CCDC50: variants seen among roughly 807,000 people sequenced by gnomAD.
CCDC50 encodes the protein coiled-coil domain-containing protein 50.
CCDC50 carries 54 observed loss-of-function variants against 70.2 expected under a neutral mutation model. The observed-to-expected ratio is 0.77, with a 90% CI of 0.62 to 0.96. The LOEUF (loss-of-function observed/expected upper bound fraction) is 0.96. CCDC50 is among the 50% of genes least tolerant of loss of function. CCDC50 has a pLI of 0.00. For missense variants in CCDC50, 558 were observed against 578.7 expected, an observed-to-expected ratio of 0.96 and a Z score of 0.37; for synonymous variants, 216 against 198.8, an observed-to-expected ratio of 1.09 and a Z score of -0.73.
chr3:191,387,376 T>A (rs1377937812), intron 10 of CCDC50, among the ~76,000 whole-genome samples: 1 of 152,160 alleles, frequency 6.6e-6, no homozygotes, highest in Non-Finnish European at 1.5e-5. Context: ...ACAGGCAGTC[T>A]TAATACAATA....
intron 4 of CCDC50, among the ~76,000 whole-genome samples, chr3:191,366,878 G>GA (rs1712711903): frequency 6.6e-6 from 1 of 152,000 alleles, no homozygotes; most frequent in Non-Finnish European, 1.5e-5. Flanking sequence ...TTATATCAAA[G>GA]GTGACTAAGC....
chr3:191,388,738 G>A (rs1437147290), intron 10 of CCDC50, among the ~76,000 whole-genome samples: 1 of 152,050 alleles, frequency 6.6e-6, no homozygotes. Context: ...CCTACAGTAT[G>A]GTTATATTTG....
At chr3:191,362,313 C>T (rs540276312) in intron 4 of CCDC50, among the ~76,000 whole-genome samples, 2 of 151,626 alleles carry the variant, frequency 1.3e-5, no homozygotes, top group African/African-American at 2.4e-5. Flanking sequence ...TTTGTAGAGA[C>T]GAGGTCTCAC....
chr3:191,342,558 T>C (rs1216439798), intron 1 of CCDC50, among the ~76,000 whole-genome samples: 7 of 152,230 alleles, frequency 4.6e-5, no homozygotes, highest in Non-Finnish European at 8.8e-5. Context: ...AAACTTGTAC[T>C]TAAGCTGGGC....
At chr3:191,345,314 C>T (rs140396585) in intron 1 of CCDC50, among the ~76,000 whole-genome samples, 188 of 152,270 alleles carry the variant, frequency 1.2e-3, no homozygotes, top group African/African-American at 4.0e-3. Context: ...TCCATGTTTG[C>T]GGGCATTTTA....
intron 1 of CCDC50, among the ~76,000 whole-genome samples, chr3:191,337,970 A>C (rs936699879): frequency 6.6e-6 from 1 of 152,126 alleles, no homozygotes; most frequent in Non-Finnish European, 1.5e-5. Context: ...ATCTTGCCTG[A>C]TGAGCATTTC....
At position 191,376,001 on chromosome 3, in the gene CCDC50, C is replaced by T. The variant is rs573083339; in HGVS notation, c.976+412C>T. ...GATAGTGTTTGTCTAACTAAAAGGC[C>T]GATAGAGCCGGAAATACTGTATTTT... On this transcript the variant is annotated intron_variant, in intron 6 of 11. Coordinates refer to ENST00000392455, the MANE Select transcript of CCDC50 (RefSeq NM_178335.3). Among the ~76,000 whole-genome samples, 244 of 151,700 alleles carry T rather than the reference C, an allele frequency of 1.6e-3. 1 individual carries two copies. The highest frequency in any genetic ancestry group is 5.6e-3 in the African/African-American group (231 of 41,332).
intron 6 of CCDC50, among the ~76,000 whole-genome samples, 154 bp from the exon 7 acceptor site, chr3:191,380,005 A>G (rs1242813015): frequency 1.3e-5 from 2 of 152,064 alleles, no homozygotes; most frequent in East Asian, 3.8e-4. Flanking sequence ...TAGGGCAAAA[A>G]TATTTTTAAT....
At chr3:191,383,887 A>G (rs1182576318) in intron 10 of CCDC50, among the ~76,000 whole-genome samples, 1 of 152,184 alleles carries the variant, frequency 6.6e-6, no homozygotes, top group Admixed American at 6.5e-5. Flanking sequence ...CAAAGTATCC[A>G]AGTAAAAGAA....
At chr3:191,374,665 AT>A (rs757088182) in intron 5 of CCDC50, among the ~76,000 whole-genome samples, 1 of 152,148 alleles carries the variant, frequency 6.6e-6, no homozygotes, top group Non-Finnish European at 1.5e-5. Context: ...ACAAAGCTTA[AT>A]TTTTTTGTTT....
chr3:191,359,883 G>A (rs1426701600), intron 3 of CCDC50, among the ~76,000 whole-genome samples: 1 of 152,144 alleles, frequency 6.6e-6, no homozygotes, highest in African/African-American at 2.4e-5. Flanking sequence ...AGTATAATGA[G>A]CTTTTTCAGA....
rs955060640 is a variant in CCDC50, at chr3:191,393,239, T to C, written c.*1479T>C. On this transcript the variant is annotated 3_prime_UTR_variant, in exon 12 of 12. Coordinates refer to ENST00000392455, the MANE Select transcript of CCDC50 (RefSeq NM_178335.3). ...CTCACTTGTTCTCCCTCTCTCTGTC[T>C]CCCCCCCATGTACACATATATATAT... 2.6e-5 allele frequency: 4 copies of C among 151,948 alleles called. No homozygotes were observed. Among genetic ancestry groups the C allele is most frequent in the African/African-American group, 7.3e-5 (3 of 41,332 alleles). 9.4% of individuals were successfully genotyped at this position (151,948 alleles called of 1,614,324 possible).
chr3:191,348,148 C>A (rs1711986777), intron 1 of CCDC50, among the ~76,000 whole-genome samples: 1 of 141,990 alleles, frequency 7.0e-6, no homozygotes, highest in Non-Finnish European at 1.6e-5. Context: ...TGTGAGTCAG[C>A]TACATAGGTG....
chr3:191,339,456 T>A (rs900266607), intron 1 of CCDC50, among the ~76,000 whole-genome samples: 4 of 152,232 alleles, frequency 2.6e-5, no homozygotes, highest in African/African-American at 9.6e-5. Flanking sequence ...GAATCTTGTC[T>A]TCCTGTTCCT....
chr3:191,376,980 C>T (rs1386390158), intron 6 of CCDC50, among the ~76,000 whole-genome samples: 1 of 152,050 alleles, frequency 6.6e-6, no homozygotes, highest in Non-Finnish European at 1.5e-5. Flanking sequence ...TAGTTATGCT[C>T]CAGGATATTT....
intron 1 of CCDC50, among the ~76,000 whole-genome samples, chr3:191,347,569 G>C (rs1431960724): frequency 7.0e-6 from 1 of 142,088 alleles, no homozygotes; most frequent in Non-Finnish European, 1.6e-5. Flanking sequence ...GCGATCTTGG[G>C]CATATTATTA....
chr3:191,378,554 A>G (rs982316095), intron 6 of CCDC50, among the ~76,000 whole-genome samples: 4 of 150,634 alleles, frequency 2.7e-5, no homozygotes, highest in African/African-American at 4.9e-5. Flanking sequence ...CATTTTTTCT[A>G]TAGATTGGAA....
chr3:191,364,502 AT>A (rs1383332078), intron 4 of CCDC50, among the ~76,000 whole-genome samples: 1 of 150,942 alleles, frequency 6.6e-6, no homozygotes, highest in Admixed American at 6.6e-5. Flanking sequence ...TCTTTAAGAG[AT>A]TTTTGGGGTC....
intron 6 of CCDC50, 148 bp downstream of exon 6, chr3:191,375,737 G>C (rs1713091099): frequency 1.2e-6 from 1 of 845,636 alleles, no homozygotes; most frequent in Non-Finnish European, 1.8e-6. Flanking sequence ...TATTATAAAA[G>C]GTATACACTT....
Sources: allele counts gnomAD v4.1 joint callset (sites outside exome capture counted in the v4.1 genomes callset), GRCh38; gene constraint gnomAD v4.1.1; transcripts MANE v1.5; gene names NCBI Gene and HGNC (gene_info 2026-07-23, HGNC 2026-07-21).